GSK3B: variants seen among roughly 807,000 people sequenced by gnomAD.
The protein encoded by GSK3B is glycogen synthase kinase 3 beta.
GSK3B carries 15 observed loss-of-function variants against 56.4 expected under a neutral mutation model. The ratio of observed to expected loss-of-function variants is 0.27; its 90% CI spans 0.18 to 0.41. The LOEUF is 0.41. Among genes scored for constraint, GSK3B ranks in the 10% least tolerant of loss-of-function variants. The probability of loss-of-function intolerance (pLI) is 1.00; values close to 1 mark genes in which losing one functional copy is unlikely to be tolerated. For synonymous variants in GSK3B, 181 were observed against 188.9 expected, an observed-to-expected ratio of 0.96 and a Z score of 0.34; for missense variants, 300 against 513.4, an observed-to-expected ratio of 0.58 and a Z score of 4.02.
intron 1 of GSK3B, among the ~76,000 whole-genome samples, chr3:120,032,346 G>A (rs367953685): frequency 6.6e-6 from 1 of 151,978 alleles, no homozygotes; most frequent in Non-Finnish European, 1.5e-5. Flanking sequence ...GTAGTGGCAG[G>A]CACCTGTAAT....
chr3:120,066,914 A>C (rs2058285623), intron 1 of GSK3B, among the ~76,000 whole-genome samples: 1 of 152,162 alleles, frequency 6.6e-6, no homozygotes, highest in South Asian at 2.1e-4. Context: ...GATCTAGACC[A>C]GCGGTGTCTA....
intron 7 of GSK3B, among the ~76,000 whole-genome samples, chr3:119,902,782 T>C (rs556179320): frequency 2.5e-4 from 38 of 152,270 alleles, no homozygotes; most frequent in African/African-American, 9.1e-4. Flanking sequence ...GGGCATAATC[T>C]TGGCTTACTG....
intron 2 of GSK3B, among the ~76,000 whole-genome samples, chr3:119,957,397 C>T (rs926303048): frequency 2.6e-5 from 4 of 152,134 alleles, no homozygotes; most frequent in African/African-American, 7.2e-5. Context: ...ACAAAGGATG[C>T]CTGCATGAAC....
At chr3:119,932,269 T>C (rs768253234) in intron 3 of GSK3B, among the ~76,000 whole-genome samples, 11 of 152,214 alleles carry the variant, frequency 7.2e-5, no homozygotes, top group Non-Finnish European at 1.3e-4. Context: ...GCATTCCAAC[T>C]GGCAAAAATC....
chr3:119,883,916 T>C (rs2108056860), intron 7 of GSK3B, among the ~76,000 whole-genome samples: 1 of 150,160 alleles, frequency 6.7e-6, no homozygotes, highest in African/African-American at 2.4e-5. Flanking sequence ...AGACCAGACA[T>C]TCAGGAAGAA....
intron 3 of GSK3B, among the ~76,000 whole-genome samples, chr3:119,935,448 C>G (rs1478623385): frequency 6.6e-6 from 1 of 152,092 alleles, no homozygotes; most frequent in Non-Finnish European, 1.5e-5. Flanking sequence ...TATTTTTATA[C>G]TAGGAGGCTG....
chr3:119,832,218 C>G (rs2055613017), intron 10 of GSK3B, among the ~76,000 whole-genome samples: 1 of 152,202 alleles, frequency 6.6e-6, no homozygotes, highest in African/African-American at 2.4e-5. Flanking sequence ...GAGAGGGCCA[C>G]TTATTGAGTG....
At chr3:120,010,653 A>C (rs1246058271) in intron 1 of GSK3B, among the ~76,000 whole-genome samples, 1 of 152,182 alleles carries the variant, frequency 6.6e-6, no homozygotes, top group African/African-American at 2.4e-5. Context: ...ATAAACTAAT[A>C]TAGATTTTAA....
chr3:119,890,655 C>G (rs987097025), intron 7 of GSK3B, among the ~76,000 whole-genome samples: 4 of 150,070 alleles, frequency 2.7e-5, no homozygotes, highest in African/African-American at 7.4e-5. Flanking sequence ...GTTATATGGG[C>G]ATGTTTGTTG....
At chr3:119,987,509 G>A (rs1269806268) in intron 2 of GSK3B, among the ~76,000 whole-genome samples, 1 of 152,128 alleles carries the variant, frequency 6.6e-6, no homozygotes, top group African/African-American at 2.4e-5. Flanking sequence ...GTTTTGAAAC[G>A]TTAATTATAA....
At chr3:119,993,202 A>G (rs2057582633) in intron 2 of GSK3B, among the ~76,000 whole-genome samples, 2 of 152,136 alleles carry the variant, frequency 1.3e-5, no homozygotes, top group African/African-American at 2.4e-5. Context: ...AAAACTGAGG[A>G]AAAGTAAGCC....
chr3:120,062,086 C>A (rs947245506), intron 1 of GSK3B, among the ~76,000 whole-genome samples: 1 of 152,156 alleles, frequency 6.6e-6, no homozygotes, highest in Admixed American at 6.5e-5. Flanking sequence ...TTGTCAGCAA[C>A]TAAGTATTGC....
chr3:120,019,255 GA>G (rs144832308), intron 1 of GSK3B, among the ~76,000 whole-genome samples: 3,942 of 148,898 alleles, frequency 0.026, 173 homozygotes, highest in African/African-American at 0.09. Context: ...ACCATGTTAT[GA>G]AAAAAAAAAT....
chr3:119,857,039 A>T (rs976555631), intron 9 of GSK3B, among the ~76,000 whole-genome samples: 4 of 151,934 alleles, frequency 2.6e-5, no homozygotes, highest in African/African-American at 9.7e-5. Flanking sequence ...CATTACATCT[A>T]AAAAAAACCA....
chr3:120,000,161 A>T (rs2057662214), intron 2 of GSK3B, among the ~76,000 whole-genome samples: 2 of 152,230 alleles, frequency 1.3e-5, no homozygotes, highest in Admixed American at 1.3e-4. Flanking sequence ...AAATCAAGTT[A>T]AACAATGACT....
intron 2 of GSK3B, among the ~76,000 whole-genome samples, chr3:119,949,768 T>C (rs1317172771): frequency 1.7e-5 from 2 of 120,670 alleles, no homozygotes; most frequent in African/African-American, 3.4e-5. Flanking sequence ...GCCACAGCAC[T>C]GGGCAACAGA....
intron 1 of GSK3B, among the ~76,000 whole-genome samples, chr3:120,057,660 G>T (rs912031320): frequency 1.3e-5 from 2 of 152,140 alleles, no homozygotes; most frequent in Admixed American, 6.5e-5. Context: ...TTTAGTAAAA[G>T]ATAATATAGC....
chr3:120,009,161 G>A (rs2057756350), intron 1 of GSK3B, among the ~76,000 whole-genome samples: 3 of 152,130 alleles, frequency 2.0e-5, no homozygotes, highest in African/African-American at 4.8e-5. Flanking sequence ...TTAGAATAGC[G>A]ATCATTAAAA....
At chr3:119,934,784 T>A (rs904555114) in intron 3 of GSK3B, among the ~76,000 whole-genome samples, 10 of 152,304 alleles carry the variant, frequency 6.6e-5, no homozygotes, top group Admixed American at 4.6e-4. Flanking sequence ...AATACATATG[T>A]TATTACTAAT....
Sources: gnomAD v4.1 joint callset for allele counts (sites outside exome capture counted in the v4.1 genomes callset) on GRCh38, gnomAD v4.1.1 for gene constraint, MANE v1.5 for transcripts, NCBI Gene and HGNC (gene_info 2026-07-23, HGNC 2026-07-21) for gene names.